The following NMT2 variants were observed in gnomAD, a reference collection of about 807,000 sequenced individuals.
NMT2 encodes the protein N-myristoyltransferase 2.
NMT2 carries 35 observed loss-of-function variants against 65.4 expected under a neutral mutation model. That is an observed-to-expected ratio of 0.54 (90% CI 0.41 to 0.71). The LOEUF (loss-of-function observed/expected upper bound fraction) is 0.71, where lower values mean the gene tolerates loss of function less well. Ranked by LOEUF, NMT2 falls within the 30% of genes least tolerant of loss-of-function variation. The pLI is 0.00. For synonymous variants in NMT2, 226 were observed against 231.8 expected (o/e 0.98, Z 0.23); for missense variants, 489 against 611.3 (o/e 0.80, Z 2.11).
intron 3 of NMT2, among the ~76,000 whole-genome samples, chr10:15,134,342 GC>G (rs1846395500): frequency 6.6e-6 from 1 of 152,144 alleles, no homozygotes; most frequent in African/African-American, 2.4e-5. Flanking sequence ...CAGTGCTCTG[GC>G]CATGATGACC....
intron 1 of NMT2, among the ~76,000 whole-genome samples, chr10:15,161,146 G>A (rs1833183512): frequency 6.9e-6 from 1 of 145,798 alleles, no homozygotes; most frequent in Non-Finnish European, 1.5e-5. Flanking sequence ...GTAAATACTG[G>A]AAGATATTAA....
chr10:15,133,813 C>T (rs559507598), intron 3 of NMT2, among the ~76,000 whole-genome samples: 2 of 152,282 alleles, frequency 1.3e-5, no homozygotes, highest in Admixed American at 1.3e-4. Flanking sequence ...ATCTCAAACT[C>T]CTGGGTTCAA....
intron 2 of NMT2, among the ~76,000 whole-genome samples, chr10:15,137,190 C>T (rs1223993530): frequency 1.3e-5 from 2 of 152,100 alleles, no homozygotes; most frequent in Non-Finnish European, 2.9e-5. Flanking sequence ...GCTTACTCAT[C>T]GTACACAGCA....
intron 1 of NMT2, among the ~76,000 whole-genome samples, chr10:15,158,805 G>T (rs1322880129): frequency 6.6e-6 from 1 of 152,192 alleles, no homozygotes; most frequent in African/African-American, 2.4e-5. Flanking sequence ...TGCCAGCAGG[G>T]TCAGGTTTTT....
chr10:15,120,029 A>G (rs975188414), intron 8 of NMT2, among the ~76,000 whole-genome samples: 1 of 152,222 alleles, frequency 6.6e-6, no homozygotes, highest in African/African-American at 2.4e-5. Flanking sequence ...GGGGAAAAAA[A>G]ACTGGATCGT....
chr10:15,136,275 G>A (rs1461706170), intron 2 of NMT2, among the ~76,000 whole-genome samples: 1 of 149,886 alleles, frequency 6.7e-6, no homozygotes, highest in South Asian at 2.1e-4. Flanking sequence ...GGAAGGGAAG[G>A]GAAGGGAAAG....
chr10:15,112,353 C>A (rs923722390), intron 10 of NMT2, among the ~76,000 whole-genome samples: 1 of 146,220 alleles, frequency 6.8e-6, no homozygotes, highest in East Asian at 2.1e-4. Context: ...CTCAGCCTCC[C>A]GAGTAGCTGG....
chr10:15,112,202 A>ATATATATT (rs1845562078), intron 10 of NMT2, among the ~76,000 whole-genome samples: 1 of 16,492 alleles, frequency 6.1e-5, no homozygotes. Context: ...ATATATATAT[A>ATATATATT]TATATATATA....
At chr10:15,127,640 T>C (rs1000956667) in intron 8 of NMT2, among the ~76,000 whole-genome samples, 1 of 150,834 alleles carries the variant, frequency 6.6e-6, no homozygotes, top group Non-Finnish European at 1.5e-5. Flanking sequence ...CAGTGGCTCA[T>C]GCCTGTAATC....
chr10:15,155,941 C>A (rs555601250), intron 1 of NMT2, among the ~76,000 whole-genome samples: 1 of 150,440 alleles, frequency 6.6e-6, no homozygotes, highest in Non-Finnish European at 1.5e-5. Context: ...AGAGAAAAGT[C>A]GCATCCAGGG....
chr10:15,132,836 T>C lies in NMT2; in HGVS notation c.700A>G (p.Asn234Asp), dbSNP rs1163355293. 10 of 1,612,296 alleles carry C rather than the reference T, an allele frequency of 6.2e-6. No individual in the cohort carries two copies. The highest frequency in any genetic ancestry group is 8.5e-6 in the Non-Finnish European group (10 of 1,178,796). ...LVGFISAIPA[N>D]IRIYDSVKKM... ...ATGTACCTGTCATAAATCCGAATGTTTGCTGGGATGGCACTTATGAACCCG... is the reference window on the plus strand; with the variant it reads ...ATGTACCTGTCATAAATCCGAATGTCTGCTGGGATGGCACTTATGAACCCG... The change falls in exon 6 of 12, where the codon AAC (asparagine) becomes GAC (aspartate). Residue 234 changes from asparagine to aspartate, a missense_variant. Transcript: ENST00000378165.
At chr10:15,154,984 C>T (rs1222787171) in intron 1 of NMT2, 4 of 1,162,584 alleles carry the variant, frequency 3.4e-6, no homozygotes, top group Admixed American at 3.4e-5. Flanking sequence ...GTGTTGGGTC[C>T]AGCATTTGCC....
intron 7 of NMT2, among the ~76,000 whole-genome samples, chr10:15,129,447 T>C (rs575298719): frequency 6.6e-6 from 1 of 152,294 alleles, no homozygotes; most frequent in East Asian, 1.9e-4. Flanking sequence ...GCAGACGAAG[T>C]TGTAAAAACA....
intron 1 of NMT2, among the ~76,000 whole-genome samples, chr10:15,158,026 T>C (rs1186736001): frequency 2.6e-5 from 4 of 151,962 alleles, no homozygotes; most frequent in East Asian, 3.9e-4. Flanking sequence ...CCAGGGAAAA[T>C]ATATAAGGCT....
Position 15,108,579 on chromosome 10 carries a change from T to C in NMT2, c.*616A>G, listed in dbSNP as rs961495569. 6 of 985,940 alleles carry C rather than the reference T, an allele frequency of 6.1e-6. No individual in the cohort carries two copies. In the African/African-American group the frequency reaches 8.7e-5, roughly 14 times the overall value. The allele number at this position is 985,940 out of a possible 1,614,324, so 61.1% of individuals were successfully genotyped here. A position where few individuals can be genotyped will look rare whatever the true frequency, so the allele number is the denominator to read the frequency against. On this transcript the variant is annotated 3_prime_UTR_variant, in exon 12 of 12. Coordinates refer to ENST00000378165, the MANE Select transcript of NMT2 (RefSeq NM_004808.3). ...GTAAAGATCAAAGTACAAACTTGCA[T>C]GTTTATTGATTCGGCAACTCTGCTT...
intron 8 of NMT2, among the ~76,000 whole-genome samples, chr10:15,122,150 AT>A (rs1034941973): frequency 2.0e-5 from 3 of 152,066 alleles, no homozygotes; most frequent in Non-Finnish European, 2.9e-5. Context: ...CAATATCAGA[AT>A]TTTTTTTCTT....
intron 3 of NMT2, 65 bp downstream of exon 3, chr10:15,135,209 T>G: frequency 1.4e-6 from 2 of 1,396,902 alleles, no homozygotes; most frequent in Non-Finnish European, 2.0e-6. Flanking sequence ...TTGTTGTTGT[T>G]GTTGTTGTTG....
intron 1 of NMT2, among the ~76,000 whole-genome samples, chr10:15,150,269 T>A (rs1832756849): frequency 6.6e-6 from 1 of 152,214 alleles, no homozygotes; most frequent in Non-Finnish European, 1.5e-5. Context: ...GGGGCACCCA[T>A]CTTACCTAAG....
At chr10:15,155,334 G>T in intron 1 of NMT2, 1 of 1,084,924 alleles carries the variant, frequency 9.2e-7, no homozygotes, top group Non-Finnish European at 1.4e-6. Context: ...TGGTAGTACA[G>T]GGCTCCTGGT....
Sources: allele counts gnomAD v4.1 joint callset (sites outside exome capture counted in the v4.1 genomes callset), GRCh38; gene constraint gnomAD v4.1.1; transcripts MANE v1.5; gene names NCBI Gene and HGNC (gene_info 2026-07-23, HGNC 2026-07-21).